Variants in PTPRT observed in about 807,000 individuals in gnomAD.
PTPRT encodes the protein protein tyrosine phosphatase receptor type T.
PTPRT carries 56 observed loss-of-function variants against 176.8 expected under a neutral mutation model. That is an observed-to-expected ratio of 0.32 (90% CI 0.26 to 0.40). PTPRT has a LOEUF of 0.40. Ranked by LOEUF, PTPRT falls within the 10% of genes least tolerant of loss-of-function variation. The pLI is 1.00. For synonymous variants in PTPRT, 783 were observed against 739.0 expected (o/e 1.06, Z -0.96); for missense variants, 1,540 against 1,908.2 (o/e 0.81, Z 3.60).
At chr20:43,170,213 T>C (rs2014963243) in intron 1 of PTPRT, among the ~76,000 whole-genome samples, 1 of 152,108 alleles carries the variant, frequency 6.6e-6, no homozygotes. Flanking sequence ...AGGAAATTCC[T>C]ATTTAAGCAT....
Position 42,948,876 on chromosome 20 carries a change from G to A in PTPRT, c.89-62944C>T, listed in dbSNP as rs181920630. On this transcript the variant is annotated intron_variant, in intron 1 of 30. Transcript: ENST00000373187. ...ATTCAACTCTGAGCATCAGACCCAC[G>A]TATCCAATTGTCCATGGACATTTTT... 3.2e-3 allele frequency among the ~76,000 whole-genome samples: 492 copies of A among 152,276 alleles called. 4 individuals are homozygous for A. The highest frequency in any genetic ancestry group is 0.011 in the African/African-American group (458 of 41,562).
chr20:42,162,005 T>C (rs895008553), intron 16 of PTPRT, among the ~76,000 whole-genome samples: 3 of 152,184 alleles, frequency 2.0e-5, no homozygotes, highest in Non-Finnish European at 4.4e-5. Context: ...TCTGGTCTAT[T>C]TGCCTGCATG....
intron 15 of PTPRT, among the ~76,000 whole-genome samples, chr20:42,221,765 CA>C (rs2055892183): frequency 6.6e-6 from 1 of 152,092 alleles, no homozygotes; most frequent in African/African-American, 2.4e-5. Flanking sequence ...GTGATCCACC[CA>C]CCCTGGCCTC....
intron 7 of PTPRT, among the ~76,000 whole-genome samples, chr20:42,528,772 A>G (rs1171746640): frequency 6.6e-6 from 1 of 152,216 alleles, no homozygotes; most frequent in Non-Finnish European, 1.5e-5. Flanking sequence ...AAATACTAAG[A>G]CATAAAATCA....
chr20:42,384,225 T>C (rs2145643657), intron 9 of PTPRT, among the ~76,000 whole-genome samples: 1 of 152,364 alleles, frequency 6.6e-6, no homozygotes, highest in South Asian at 2.1e-4. Flanking sequence ...TCTTGCTTTA[T>C]AGTAATTCAC....
chr20:42,992,229 T>C (rs1218176721), intron 1 of PTPRT, among the ~76,000 whole-genome samples: 1 of 152,212 alleles, frequency 6.6e-6, no homozygotes, highest in African/African-American at 2.4e-5. Context: ...AATGATGTCA[T>C]GAGAGAAAGA....
At chr20:42,227,396 G>C (rs138520588) in intron 15 of PTPRT, among the ~76,000 whole-genome samples, 2 of 152,122 alleles carry the variant, frequency 1.3e-5, no homozygotes, top group Non-Finnish European at 2.9e-5. Context: ...GTTCTGAAGG[G>C]GGGCTGTTAG....
intron 16 of PTPRT, among the ~76,000 whole-genome samples, chr20:42,173,434 G>T (rs1352204374): frequency 6.6e-6 from 1 of 151,986 alleles, no homozygotes; most frequent in Non-Finnish European, 1.5e-5. Flanking sequence ...AAACATCTAG[G>T]TATAATTTTG....
chr20:42,152,201 G>T (rs1375794543), intron 17 of PTPRT, among the ~76,000 whole-genome samples: 1 of 152,214 alleles, frequency 6.6e-6, no homozygotes, highest in African/African-American at 2.4e-5. Flanking sequence ...TCACTCTAAG[G>T]TGCTGTAGGA....
At chr20:42,492,228 T>C (rs893592066) in intron 7 of PTPRT, among the ~76,000 whole-genome samples, 2 of 152,194 alleles carry the variant, frequency 1.3e-5, no homozygotes, top group Non-Finnish European at 2.9e-5. Context: ...CTGGATCATA[T>C]AGTAAGTTCA....
intron 13 of PTPRT, among the ~76,000 whole-genome samples, chr20:42,278,584 G>A (rs2057087118): frequency 6.6e-6 from 1 of 152,114 alleles, no homozygotes; most frequent in South Asian, 2.1e-4. Context: ...ACATCAGTGG[G>A]TAAGAGAACT....
intron 1 of PTPRT, among the ~76,000 whole-genome samples, chr20:43,086,834 G>A (rs1298130433): frequency 6.6e-6 from 1 of 152,164 alleles, no homozygotes; most frequent in Non-Finnish European, 1.5e-5. Context: ...AATAGTAAAT[G>A]TAGGTAAATG....
intron 13 of PTPRT, among the ~76,000 whole-genome samples, chr20:42,273,359 G>T (rs893428476): frequency 6.6e-6 from 1 of 152,126 alleles, no homozygotes. Context: ...GGGATTACAG[G>T]CATGCACCAC....
chr20:42,319,261 C>T (rs984649513), intron 11 of PTPRT, among the ~76,000 whole-genome samples: 5 of 120,652 alleles, frequency 4.1e-5, no homozygotes, highest in African/African-American at 1.6e-4. Context: ...CAGTATCCTT[C>T]CTTTTTTTTT....
chr20:43,061,352 A>T (rs189678850), intron 1 of PTPRT, among the ~76,000 whole-genome samples: 17 of 152,330 alleles, frequency 1.1e-4, no homozygotes, highest in African/African-American at 4.1e-4. Context: ...CAGGTGGATG[A>T]CATCTGCCCA....
intron 13 of PTPRT, among the ~76,000 whole-genome samples, chr20:42,250,593 C>A (rs2056535319): frequency 6.6e-6 from 1 of 152,200 alleles, no homozygotes; most frequent in South Asian, 2.1e-4. Flanking sequence ...GGCCAAGTCT[C>A]TCTAGTGAGA....
chr20:43,089,023 C>T (rs1023225095), intron 1 of PTPRT, among the ~76,000 whole-genome samples: 6 of 151,914 alleles, frequency 3.9e-5, no homozygotes, highest in African/African-American at 9.7e-5. Flanking sequence ...CTCCCTGCTG[C>T]GAGGATAAAA....
chr20:42,859,214 T>C (rs1600484434), intron 2 of PTPRT, among the ~76,000 whole-genome samples: 1 of 152,282 alleles, frequency 6.6e-6, no homozygotes, highest in East Asian at 1.9e-4. Flanking sequence ...CAAATGACCC[T>C]CACAGCCACT....
chr20:42,058,510 C>T, the PTPRT span, among the ~76,000 whole-genome samples: 4 of 152,212 alleles, frequency 2.6e-5, 1 homozygote, highest in African/African-American at 4.8e-5. Context: ...CACCGGCTCA[C>T]AAATTATTCC....
Sources: allele counts gnomAD v4.1 joint callset (sites outside exome capture counted in the v4.1 genomes callset), GRCh38; gene constraint gnomAD v4.1.1; transcripts MANE v1.5; gene names NCBI Gene and HGNC (gene_info 2026-07-23, HGNC 2026-07-21).